The following INPP4B variants were observed in gnomAD, a reference collection of about 807,000 sequenced individuals.
INPP4B encodes the protein inositol polyphosphate 4-phosphatase type II.
INPP4B carries 55 observed loss-of-function variants against 122.5 expected under a neutral mutation model. The ratio of observed to expected loss-of-function variants is 0.45; its 90% CI spans 0.36 to 0.56. The LOEUF (loss-of-function observed/expected upper bound fraction) is 0.56, where lower values mean the gene tolerates loss of function less well. INPP4B is among the 20% of genes least tolerant of loss of function. The pLI is 0.00. For missense variants in INPP4B, 1,000 were observed against 1,097.7 expected, an observed-to-expected ratio of 0.91 and a Z score of 1.26; for synonymous variants, 403 against 388.7, an observed-to-expected ratio of 1.04 and a Z score of -0.43.
At chr4:142,733,517 T>A (rs1205742027) in intron 1 of INPP4B, among the ~76,000 whole-genome samples, 1 of 152,028 alleles carries the variant, frequency 6.6e-6, no homozygotes, top group Non-Finnish European at 1.5e-5. Context: ...TCAATAAACA[T>A]CCTAAAAATC....
intron 12 of INPP4B, among the ~76,000 whole-genome samples, chr4:142,236,541 T>C (rs537416999): frequency 1.7e-4 from 26 of 152,348 alleles, no homozygotes; most frequent in Non-Finnish European, 3.5e-4. Context: ...CTGATTTCTC[T>C]GGTTTTATTA....
chr4:142,828,773 G>A (rs1234357363), intron 1 of INPP4B, among the ~76,000 whole-genome samples: 1 of 152,102 alleles, frequency 6.6e-6, no homozygotes, highest in African/African-American at 2.4e-5. Flanking sequence ...TATGCATGAA[G>A]TGCCCAAATA....
chr4:142,081,197 G>A (rs1241617453), intron 25 of INPP4B, among the ~76,000 whole-genome samples: 2 of 150,888 alleles, frequency 1.3e-5, no homozygotes, highest in African/African-American at 5.0e-5. Flanking sequence ...TAGATAAGAA[G>A]CAGCCTTCTC....
At chr4:142,255,545 G>A (rs1437138326) in intron 11 of INPP4B, among the ~76,000 whole-genome samples, 1 of 152,068 alleles carries the variant, frequency 6.6e-6, no homozygotes, top group Non-Finnish European at 1.5e-5. Context: ...AAAGGCAGGG[G>A]TTGCAATCCT....
intron 25 of INPP4B, among the ~76,000 whole-genome samples, chr4:142,077,585 C>T (rs1771494175): frequency 6.6e-6 from 1 of 151,522 alleles, no homozygotes; most frequent in South Asian, 2.1e-4. Flanking sequence ...CTGAAAGTTC[C>T]TACTAAAAAT....
chr4:142,457,501 C>T (rs1236045273), intron 3 of INPP4B, among the ~76,000 whole-genome samples: 2 of 151,994 alleles, frequency 1.3e-5, no homozygotes, highest in Admixed American at 1.3e-4. Context: ...CCAAAGAAAA[C>T]ATATAAGATA....
At chr4:142,522,102 A>T (rs1826157860) in intron 2 of INPP4B, among the ~76,000 whole-genome samples, 1 of 152,100 alleles carries the variant, frequency 6.6e-6, no homozygotes, top group Non-Finnish European at 1.5e-5. Flanking sequence ...TAAAACAATG[A>T]CAATATTGCC....
chr4:142,549,358 C>T (rs936099951), intron 2 of INPP4B, among the ~76,000 whole-genome samples: 11 of 152,042 alleles, frequency 7.2e-5, no homozygotes, highest in East Asian at 1.9e-4. Flanking sequence ...GACCATCAGA[C>T]GGTAATGACT....
chr4:142,544,726 C>A (rs747296314), intron 2 of INPP4B, among the ~76,000 whole-genome samples: 5 of 152,034 alleles, frequency 3.3e-5, no homozygotes, highest in Non-Finnish European at 7.4e-5. Flanking sequence ...CTTGATTCCC[C>A]ACAGACAGGT....
chr4:142,321,514 C>T (rs1350741729), intron 7 of INPP4B, among the ~76,000 whole-genome samples: 6 of 152,068 alleles, frequency 3.9e-5, no homozygotes, highest in South Asian at 2.1e-4. Flanking sequence ...AAGTCAATGT[C>T]GAGAAGGGTT....
intron 9 of INPP4B, among the ~76,000 whole-genome samples, chr4:142,277,158 C>T (rs1748888516): frequency 6.7e-6 from 1 of 149,666 alleles, no homozygotes; most frequent in Non-Finnish European, 1.5e-5. Context: ...ATGTCCTTAG[C>T]CCACTTTTTG....
At chr4:142,730,702 G>A (rs1439050297) in intron 1 of INPP4B, among the ~76,000 whole-genome samples, 1 of 152,194 alleles carries the variant, frequency 6.6e-6, no homozygotes, top group East Asian at 1.9e-4. Flanking sequence ...GTCTTGTGCT[G>A]TCGTGTCTCC....
chr4:142,577,466 C>T (rs73850509), intron 2 of INPP4B, among the ~76,000 whole-genome samples: 5,190 of 151,998 alleles, frequency 0.034, 306 homozygotes, highest in African/African-American at 0.12. Flanking sequence ...AGTTCCTGTC[C>T]TAGAAGAGTT....
chr4:142,234,787 T>C (rs1246789023), intron 12 of INPP4B, among the ~76,000 whole-genome samples: 2 of 152,306 alleles, frequency 1.3e-5, no homozygotes, highest in South Asian at 2.1e-4. Flanking sequence ...TCTCTGGCAA[T>C]GGAACTTCAT....
At chr4:142,377,118 T>C (rs1381331690) in intron 7 of INPP4B, among the ~76,000 whole-genome samples, 1 of 10,578 alleles carries the variant, frequency 9.5e-5, no homozygotes, top group Non-Finnish European at 2.3e-3. Flanking sequence ...TCCAAGAGTC[T>C]AACTGGTTAT....
intron 5 of INPP4B, among the ~76,000 whole-genome samples, chr4:142,409,642 A>G (rs1011321950): frequency 6.6e-6 from 1 of 152,224 alleles, no homozygotes; most frequent in Admixed American, 6.5e-5. Context: ...ACACTATGTC[A>G]TAAGATGGAA....
At chr4:142,081,738 T>C (rs1023771632) in intron 25 of INPP4B, among the ~76,000 whole-genome samples, 4 of 152,044 alleles carry the variant, frequency 2.6e-5, no homozygotes, top group Non-Finnish European at 4.4e-5. Context: ...TAATAAAATA[T>C]ATAATATCAT....
chr4:142,670,628 G>T (rs1756859299), intron 2 of INPP4B, among the ~76,000 whole-genome samples: 1 of 152,092 alleles, frequency 6.6e-6, no homozygotes, highest in South Asian at 2.1e-4. Flanking sequence ...GAGTAGAATG[G>T]TGACTATCAA....
intron 7 of INPP4B, among the ~76,000 whole-genome samples, chr4:142,315,552 G>A (rs1422055130): frequency 6.6e-6 from 1 of 151,770 alleles, no homozygotes; most frequent in African/African-American, 2.4e-5. Context: ...CAAACTCTTG[G>A]TGCGCCTCCA....
Sources: allele counts gnomAD v4.1 joint callset (sites outside exome capture counted in the v4.1 genomes callset), GRCh38; gene constraint gnomAD v4.1.1; transcripts MANE v1.5; gene names NCBI Gene and HGNC (gene_info 2026-07-23, HGNC 2026-07-21).